Variants in SHISA9 observed in about 807,000 individuals in gnomAD.
SHISA9 encodes shisa family member 9.
Under a neutral mutation model 38.0 loss-of-function variants are expected in SHISA9, and 13 were observed. The observed-to-expected ratio is 0.34, with a 90% CI of 0.22 to 0.54. The LOEUF (loss-of-function observed/expected upper bound fraction) is 0.54, where lower values mean the gene tolerates loss of function less well. Among genes scored for constraint, SHISA9 ranks in the 20% least tolerant of loss-of-function variants. The pLI is 0.91. For synonymous variants in SHISA9, 275 were observed against 242.0 expected, an observed-to-expected ratio of 1.14 and a Z score of -1.27; for missense variants, 538 against 575.8, an observed-to-expected ratio of 0.93 and a Z score of 0.67.
At chr16:13,227,020 C>T (rs760804142) in intron 4 of SHISA9, among the ~76,000 whole-genome samples, 6 of 152,168 alleles carry the variant, frequency 3.9e-5, no homozygotes, top group East Asian at 1.9e-4. Flanking sequence ...TATTCCCTCA[C>T]GTGGGTTGCT....
chr16:13,284,778 T>C, the SHISA9 span, among the ~76,000 whole-genome samples: 1 of 152,122 alleles, frequency 6.6e-6, no homozygotes, highest in South Asian at 2.1e-4. Context: ...TTTGTATTTT[T>C]TGTAGAGGCG....
At chr16:13,200,464 G>C (rs990625571) in intron 2 of SHISA9, among the ~76,000 whole-genome samples, 4 of 145,344 alleles carry the variant, frequency 2.8e-5, no homozygotes, top group African/African-American at 1.1e-4. Flanking sequence ...AGCAGCAGCA[G>C]CATACAATGA....
chr16:13,494,988 C>G, the SHISA9 span, among the ~76,000 whole-genome samples: 2 of 152,192 alleles, frequency 1.3e-5, no homozygotes, highest in South Asian at 2.1e-4. Flanking sequence ...AGATTACATA[C>G]TGTATGATTG....
chr16:13,257,115 T>C, the SHISA9 span, among the ~76,000 whole-genome samples: 1 of 152,116 alleles, frequency 6.6e-6, no homozygotes, highest in Admixed American at 6.5e-5. Flanking sequence ...GAGATGAGAG[T>C]AGAATTTGTG....
chr16:13,469,911 C>G, the SHISA9 span, among the ~76,000 whole-genome samples: 3 of 152,204 alleles, frequency 2.0e-5, no homozygotes, highest in South Asian at 2.1e-4. Context: ...CCAATAGAAG[C>G]TGTATGAAGT....
chr16:13,043,366 G>A (rs1267060346), intron 2 of SHISA9, among the ~76,000 whole-genome samples: 1 of 152,186 alleles, frequency 6.6e-6, no homozygotes, highest in East Asian at 1.9e-4. Flanking sequence ...GAACACCCAG[G>A]AGGAAAGAGA....
At chr16:13,467,317 T>C in the SHISA9 span, among the ~76,000 whole-genome samples, 1 of 152,186 alleles carries the variant, frequency 6.6e-6, no homozygotes, top group Non-Finnish European at 1.5e-5. Context: ...TCTCTCTTTT[T>C]CCCACTCCCC....
At chr16:13,262,266 T>C in the SHISA9 span, among the ~76,000 whole-genome samples, 1 of 152,212 alleles carries the variant, frequency 6.6e-6, no homozygotes, top group African/African-American at 2.4e-5. Context: ...CAGAAACTGA[T>C]GAGAGGCAGC....
chr16:12,980,157 TA>T (rs2072221921), intron 2 of SHISA9, among the ~76,000 whole-genome samples: 3 of 152,198 alleles, frequency 2.0e-5, no homozygotes, highest in Admixed American at 2.0e-4. Context: ...AGCTACTCTT[TA>T]AAGACAGCGT....
chr16:13,105,817 C>A (rs749555979), intron 2 of SHISA9, among the ~76,000 whole-genome samples: 2 of 152,122 alleles, frequency 1.3e-5, no homozygotes, highest in African/African-American at 4.8e-5. Context: ...TCTGCCTGGC[C>A]GGGGTACAGA....
chr16:13,247,565 G>T, the SHISA9 span, among the ~76,000 whole-genome samples: 3 of 151,978 alleles, frequency 2.0e-5, no homozygotes, highest in African/African-American at 7.3e-5. Context: ...TCTGGATCCA[G>T]TTACTGTGGT....
At chr16:13,326,666 A>G in the SHISA9 span, among the ~76,000 whole-genome samples, 1 of 152,196 alleles carries the variant, frequency 6.6e-6, no homozygotes, top group African/African-American at 2.4e-5. Context: ...GGTTGCAGTG[A>G]GCTGAGATTG....
At chr16:13,270,987 C>G in the SHISA9 span, among the ~76,000 whole-genome samples, 3 of 152,130 alleles carry the variant, frequency 2.0e-5, no homozygotes, top group Admixed American at 2.0e-4. Context: ...GGAAGTAGAT[C>G]AAGTGGTACC....
chr16:12,934,954 A>G (rs2071509705), intron 2 of SHISA9, among the ~76,000 whole-genome samples: 1 of 152,190 alleles, frequency 6.6e-6, no homozygotes, highest in African/African-American at 2.4e-5. Context: ...GATGTCAGGA[A>G]CCAGGGCAGC....
the SHISA9 span, among the ~76,000 whole-genome samples, chr16:13,421,336 T>A: frequency 2.0e-5 from 3 of 152,298 alleles, no homozygotes; most frequent in Non-Finnish European, 4.4e-5. Flanking sequence ...GTAATTGGAC[T>A]TACATTTCCA....
the SHISA9 span, among the ~76,000 whole-genome samples, chr16:13,402,713 T>C: frequency 6.6e-6 from 1 of 152,148 alleles, no homozygotes; most frequent in Non-Finnish European, 1.5e-5. Context: ...GGTTTCACCA[T>C]CACACCCCGC....
the SHISA9 span, among the ~76,000 whole-genome samples, chr16:13,246,954 T>A: frequency 2.2e-3 from 332 of 150,862 alleles, 1 homozygote; most frequent in African/African-American, 7.4e-3. Context: ...CTGGATAATT[T>A]GTTATGAAAG....
At position 12,902,364 on chromosome 16, in the gene SHISA9, G is replaced by A; in HGVS notation, c.300G>A (p.Gly100=). 5 of 1,551,456 alleles carry A rather than the reference G, an allele frequency of 3.2e-6. No homozygotes were observed. The highest frequency in any genetic ancestry group is 2.4e-5 in the East Asian group (1 of 40,890). The change falls in exon 1 of 5, where the codon GGG becomes GGA. Residue 100 remains glycine (G), a synonymous_variant. Coordinates refer to ENST00000558583, the MANE Select transcript of SHISA9 (RefSeq NM_001145204.3). ...CGGGCGACTTCATCTTCTGCTGCGG[G>A]ACTTGTGGCTTCCGGTTCTGCTGCA... ...CSSGDFIFCC[G]TCGFRFCCTF...
At chr16:13,286,472 G>A in the SHISA9 span, among the ~76,000 whole-genome samples, 2 of 152,216 alleles carry the variant, frequency 1.3e-5, no homozygotes, top group African/African-American at 4.8e-5. Flanking sequence ...TAAAATTACA[G>A]TCAAGAGCCC....
Sources: gnomAD v4.1 joint callset for allele counts (sites outside exome capture counted in the v4.1 genomes callset) on GRCh38, gnomAD v4.1.1 for gene constraint, MANE v1.5 for transcripts, NCBI Gene and HGNC (gene_info 2026-07-23, HGNC 2026-07-21) for gene names.